PTPDC1: variants seen among roughly 807,000 people sequenced by gnomAD.
PTPDC1 encodes protein tyrosine phosphatase domain-containing protein 1.
In PTPDC1, 53 loss-of-function variants were observed where a neutral mutation model predicts 75.3. The observed-to-expected ratio is 0.70, with a 90% CI of 0.56 to 0.88. The LOEUF is 0.88. Among genes scored for constraint, PTPDC1 ranks in the 40% least tolerant of loss-of-function variants. The probability of loss-of-function intolerance (pLI) is 0.00; values close to 1 mark genes in which losing one functional copy is unlikely to be tolerated. For missense variants in PTPDC1, 925 were observed against 998.6 expected, an observed-to-expected ratio of 0.93 and a Z score of 0.99; for synonymous variants, 349 against 366.2, an observed-to-expected ratio of 0.95 and a Z score of 0.54.
At chr9:94,076,143 A>G (rs1457447792) in intron 2 of PTPDC1, among the ~76,000 whole-genome samples, 1 of 152,070 alleles carries the variant, frequency 6.6e-6, no homozygotes, top group African/African-American at 2.4e-5. Context: ...TGGGATTACA[A>G]GCGCATGCTA....
At chr9:94,060,416 A>G (rs1826091098) in intron 1 of PTPDC1, among the ~76,000 whole-genome samples, 1 of 152,058 alleles carries the variant, frequency 6.6e-6, no homozygotes, top group Non-Finnish European at 1.5e-5. Context: ...AGTTAGAAAT[A>G]AGTCTTTAAA....
chr9:94,088,832 G>T (rs943159048), intron 4 of PTPDC1, among the ~76,000 whole-genome samples: 2 of 152,036 alleles, frequency 1.3e-5, no homozygotes. Flanking sequence ...CTTGGAACTT[G>T]TTTTTAAGAA....
At chr9:94,049,424 C>CT (rs1825717328) in intron 1 of PTPDC1, among the ~76,000 whole-genome samples, 1 of 152,202 alleles carries the variant, frequency 6.6e-6, no homozygotes, top group Admixed American at 6.5e-5. Flanking sequence ...GACAAAATCT[C>CT]TGAGCATTTG....
chr9:94,076,133 T>A (rs1048060801), intron 2 of PTPDC1, among the ~76,000 whole-genome samples: 2 of 152,180 alleles, frequency 1.3e-5, no homozygotes, highest in Non-Finnish European at 2.9e-5. Context: ...CTCAAGTAGC[T>A]GGGATTACAA....
upstream of PTPDC1, among the ~76,000 whole-genome samples, chr9:94,083,854 A>AT (rs1448487677): frequency 6.6e-6 from 1 of 152,226 alleles, no homozygotes; most frequent in Non-Finnish European, 1.5e-5. Flanking sequence ...GGGTTTTTAT[A>AT]TTCTGAAAAT....
intron 1 of PTPDC1, among the ~76,000 whole-genome samples, chr9:94,054,463 T>C (rs1300602286): frequency 4.6e-5 from 7 of 152,318 alleles, no homozygotes; most frequent in Non-Finnish European, 1.0e-4. Context: ...ACGTGCCAAC[T>C]CCTCTATTAA....
chr9:94,037,232 G>A (rs1026874798), intron 1 of PTPDC1, among the ~76,000 whole-genome samples: 43 of 152,250 alleles, frequency 2.8e-4, no homozygotes, highest in African/African-American at 9.6e-4. Flanking sequence ...TCTGTTTTAG[G>A]AATTAAATTG....
At chr9:94,056,243 TTATTA>T (rs1229678261) in intron 1 of PTPDC1, among the ~76,000 whole-genome samples, 1 of 152,188 alleles carries the variant, frequency 6.6e-6, no homozygotes, top group Non-Finnish European at 1.5e-5. Flanking sequence ...TTAGTTATTA[TTATTA>T]TATTATTAAT....
chr9:94,061,622 C>T lies in PTPDC1; in HGVS notation c.-6-3112C>T, dbSNP rs1826141708. Among the ~76,000 whole-genome samples, 4 of 152,354 alleles carry T rather than the reference C, an allele frequency of 2.6e-5. No individual in the cohort carries two copies. The South Asian group carries it at 8.3e-4, about 32-fold the overall frequency. ...AGCTTCAGCTCTTGCATTCTGTGCA[C>T]CTGCAGGCTTAACACCACATGGGAG... On this transcript the variant is annotated intron_variant, in intron 1 of 9. Coordinates refer to the PTPDC1 transcript ENST00000375360.
At chr9:94,090,415 C>A (rs1260545805) in intron 4 of PTPDC1, among the ~76,000 whole-genome samples, 1 of 151,048 alleles carries the variant, frequency 6.6e-6, no homozygotes, top group Non-Finnish European at 1.5e-5. Context: ...TTTCTGAGGG[C>A]TCTGGTCTGT....
chr9:94,052,055 A>C (rs1487576077), intron 1 of PTPDC1, among the ~76,000 whole-genome samples: 4 of 152,166 alleles, frequency 2.6e-5, no homozygotes, highest in Non-Finnish European at 5.9e-5. Flanking sequence ...TTGTGTTTTT[A>C]AAAATTATTT....
intron 5 of PTPDC1, among the ~76,000 whole-genome samples, chr9:94,095,789 TTA>T (rs1353124993): frequency 1.3e-5 from 2 of 152,192 alleles, no homozygotes; most frequent in African/African-American, 2.4e-5. Context: ...TGTATAATTA[TTA>T]TGTTAACATT....
intron 8 of PTPDC1, among the ~76,000 whole-genome samples, chr9:94,105,417 C>A (rs1433862900): frequency 6.6e-6 from 1 of 152,204 alleles, no homozygotes; most frequent in African/African-American, 2.4e-5. Context: ...CGCCTGTGAT[C>A]CCAGCACTTT....
chr9:94,043,111 C>A (rs1161906145), intron 1 of PTPDC1, among the ~76,000 whole-genome samples: 1 of 152,200 alleles, frequency 6.6e-6, no homozygotes, highest in African/African-American at 2.4e-5. Flanking sequence ...TCCATGAGGG[C>A]TGGAATCAGC....
At chr9:94,065,690 C>T (rs536545488) in intron 2 of PTPDC1, among the ~76,000 whole-genome samples, 3 of 152,306 alleles carry the variant, frequency 2.0e-5, no homozygotes, top group South Asian at 2.1e-4. Context: ...GTCTAAACTC[C>T]GTATGCTTGT....
rs144838700 is a variant in PTPDC1 at position 94,060,501 on chromosome 9, G to C, written c.-6-4233G>C. Among the ~76,000 whole-genome samples the C allele has an allele frequency of 1.6e-3, 250 of 152,328 alleles. 1 individual carries two copies. The highest frequency in any genetic ancestry group is 5.7e-3 in the African/African-American group (238 of 41,558). On this transcript the variant is annotated intron_variant, in intron 1 of 9. Transcript: ENST00000375360. ...TTTTAAATAGTCATTGTGTTAGTCT[G>C]TTCTCCCGTTGCTATAAAGGAATAC...
chr9:94,037,637 T>C (rs1164140378), intron 1 of PTPDC1, among the ~76,000 whole-genome samples: 1 of 152,146 alleles, frequency 6.6e-6, no homozygotes, highest in African/African-American at 2.4e-5. Context: ...ATACTATTAA[T>C]AAATTACTGT....
intron 1 of PTPDC1, among the ~76,000 whole-genome samples, chr9:94,054,690 G>A (rs1825882693): frequency 6.7e-6 from 1 of 149,800 alleles, no homozygotes; most frequent in African/African-American, 2.5e-5. Flanking sequence ...GATTTGGACC[G>A]AGTTTCTACA....
At chr9:94,078,045 G>A (rs1402917196) in intron 2 of PTPDC1, among the ~76,000 whole-genome samples, 1 of 152,134 alleles carries the variant, frequency 6.6e-6, no homozygotes, top group Non-Finnish European at 1.5e-5. Flanking sequence ...TCTACTTTCT[G>A]TCCCTGTCAA....
Sources: gnomAD v4.1 joint callset for allele counts (sites outside exome capture counted in the v4.1 genomes callset) on GRCh38, gnomAD v4.1.1 for gene constraint, MANE v1.5 for transcripts, NCBI Gene and HGNC (gene_info 2026-07-23, HGNC 2026-07-21) for gene names.